The following CAPS2 variants were observed in gnomAD, a reference collection of about 807,000 sequenced individuals.
The protein encoded by CAPS2 is calcyphosin-2.
Under a neutral mutation model 86.5 loss-of-function variants are expected in CAPS2, and 98 were observed. The observed-to-expected ratio is 1.13, with a 90% CI of 0.96 to 1.34. CAPS2 has a LOEUF of 1.34. Ranked by LOEUF, CAPS2 falls within the 40% of genes most tolerant of loss-of-function variation. CAPS2 has a pLI of 0.00. For missense variants in CAPS2, 729 were observed against 686.8 expected, an observed-to-expected ratio of 1.06 and a Z score of -0.69; for synonymous variants, 210 against 225.1, an observed-to-expected ratio of 0.93 and a Z score of 0.60.
intron 5 of CAPS2, among the ~76,000 whole-genome samples, chr12:75,317,812 TTGTC>T (rs1425977959): frequency 2.0e-5 from 3 of 152,276 alleles, no homozygotes; most frequent in African/African-American, 2.4e-5. Context: ...CCATTTGTAT[TTGTC>T]TGCGTATATG....
chr12:75,284,971 T>C (rs1565767989), exon 15 of CAPS2: 3 of 1,602,050 alleles, frequency 1.9e-6, no homozygotes, highest in African/African-American at 2.7e-5. Context: ...CTTTCGAACA[T>C]ATGATTTCCT....
downstream of CAPS2, chr12:75,276,119 T>A (rs1461690702): frequency 1.5e-6 from 2 of 1,349,514 alleles, no homozygotes; most frequent in Non-Finnish European, 2.0e-6. Context: ...TACATCCATG[T>A]CCACCCTGCA....
chr12:75,334,500 G>A, upstream of CAPS2: 1 of 1,326,124 alleles, frequency 7.5e-7, no homozygotes, highest in South Asian at 2.3e-5. Context: ...CCACCAGAGG[G>A]CGACTCAGAG....
intron 1 of CAPS2, among the ~76,000 whole-genome samples, chr12:75,365,955 T>C (rs539262888): frequency 1.3e-4 from 20 of 152,282 alleles, no homozygotes; most frequent in African/African-American, 4.3e-4. Flanking sequence ...ATAACCCTTA[T>C]GCAAAATTTT....
At chr12:75,357,172 A>G (rs1480655049) in intron 1 of CAPS2, among the ~76,000 whole-genome samples, 1 of 152,180 alleles carries the variant, frequency 6.6e-6, no homozygotes, top group East Asian at 1.9e-4. Flanking sequence ...CCTGGGAAAC[A>G]GTGTGAGACT....
exon 17 of CAPS2, chr12:75,278,607 G>T: frequency 2.8e-6 from 3 of 1,073,780 alleles, no homozygotes; most frequent in Non-Finnish European, 3.4e-6. Flanking sequence ...TAAAATATAC[G>T]CAAGATAAGT....
chr12:75,328,229 A>G (rs180903436), upstream of CAPS2, among the ~76,000 whole-genome samples: 87 of 152,238 alleles, frequency 5.7e-4, 1 homozygote, highest in Admixed American at 4.1e-3. Context: ...CGCGATGATG[A>G]TTTCTGGCTA....
chr12:75,363,711 C>G (rs1374845050), intron 1 of CAPS2, among the ~76,000 whole-genome samples: 1 of 152,064 alleles, frequency 6.6e-6, no homozygotes, highest in African/African-American at 2.4e-5. Flanking sequence ...AAATATCAAA[C>G]TCTGTAAAAC....
At chr12:75,299,952 C>A in intron 8 of CAPS2, 41 bp from the exon 9 acceptor site, 2 of 800,336 alleles carry the variant, frequency 2.5e-6, no homozygotes, top group Non-Finnish European at 3.9e-6. Context: ...TTCAAGATAC[C>A]TATAACTTGA....
chr12:75,304,382 C>T (rs775014468), intron 8 of CAPS2, among the ~76,000 whole-genome samples: 7 of 151,990 alleles, frequency 4.6e-5, no homozygotes, highest in Non-Finnish European at 1.0e-4. Flanking sequence ...AAAGCTACAA[C>T]GTAAAATGCA....
chr12:75,378,149 C>T (rs2044760854), intron 1 of CAPS2, among the ~76,000 whole-genome samples: 1 of 152,008 alleles, frequency 6.6e-6, no homozygotes, highest in African/African-American at 2.4e-5. Context: ...TGGCACGTGC[C>T]ACCACGCCTG....
At chr12:75,288,583 T>C (rs1353872711) in intron 14 of CAPS2, among the ~76,000 whole-genome samples, 8 of 152,192 alleles carry the variant, frequency 5.3e-5, no homozygotes, top group Non-Finnish European at 8.8e-5. Context: ...ATGCAAGAGA[T>C]CCTTTATCTG....
downstream of CAPS2, chr12:75,276,315 TA>T: frequency 1.3e-6 from 2 of 1,501,684 alleles, no homozygotes; most frequent in Non-Finnish European, 1.8e-6. Flanking sequence ...TATAATCTCA[TA>T]AAAGCATGTT....
At chr12:75,359,719 T>C (rs930072516) in intron 1 of CAPS2, among the ~76,000 whole-genome samples, 1 of 152,010 alleles carries the variant, frequency 6.6e-6, no homozygotes, top group African/African-American at 2.4e-5. Flanking sequence ...TTTTCAGAAA[T>C]GCACAAAGGT....
rs189386325 is a variant in CAPS2 at position 75,342,949 on chromosome 12, T to C, written c.-394-19727A>G. On this transcript the variant is annotated intron_variant, in intron 1 of 5. Transcript: ENST00000551829. Reference sequence around the variant, plus strand: ...TGCAGCTATTCATTTGTAGAATATATAGATATATAATAGATTTTGCATATT... The same window carrying C: ...TGCAGCTATTCATTTGTAGAATATACAGATATATAATAGATTTTGCATATT... Among the ~76,000 whole-genome samples, 43 of 134,386 alleles carry C rather than the reference T, an allele frequency of 3.2e-4. No homozygotes were observed. The East Asian group carries it at 5.1e-3, about 16-fold the overall frequency. The allele number at this position is 134,386 out of a possible 152,430, so 88.2% of individuals were successfully genotyped here.
rs560067695 is a variant in CAPS2 at position 75,323,266 on chromosome 12, A to C, written c.132-44T>G. The C allele has an allele frequency of 6.4e-5, 92 of 1,440,926 alleles. No individual in the cohort carries two copies. In the African/African-American group the frequency reaches 1.0e-3, roughly 16 times the overall value. The allele number at this position is 1,440,926 out of a possible 1,614,324, so 89.3% of individuals were successfully genotyped here. ...GTATCCCGTAACTTTTTAACATGAA[A>C]CTTTAATAAATGCAAATCTTATATG... On this transcript the variant is annotated intron_variant, in intron 2 of 16. Coordinates refer to ENST00000393284, the Ensembl canonical transcript of CAPS2.
intron 1 of CAPS2, among the ~76,000 whole-genome samples, chr12:75,382,360 C>T (rs533790246): frequency 6.6e-6 from 1 of 152,170 alleles, no homozygotes; most frequent in Admixed American, 6.5e-5. Context: ...CAAGTGTAGA[C>T]CAGGCATGGT....
chr12:75,289,152 C>T (rs375351950), intron 14 of CAPS2, among the ~76,000 whole-genome samples: 116 of 152,288 alleles, frequency 7.6e-4, no homozygotes, highest in Middle Eastern at 3.4e-3. Context: ...ATAAAATACA[C>T]ATTGTCTGAT....
At chr12:75,277,923 G>A in exon 17 of CAPS2, 1 of 828,540 alleles carries the variant, frequency 1.2e-6, no homozygotes, top group African/African-American at 1.9e-5. Context: ...CATATATTTA[G>A]AAGGAAATGT....
Sources: gnomAD v4.1 joint callset for allele counts (sites outside exome capture counted in the v4.1 genomes callset) on GRCh38, gnomAD v4.1.1 for gene constraint, MANE v1.5 for transcripts, NCBI Gene and HGNC (gene_info 2026-07-23, HGNC 2026-07-21) for gene names.